The following TRIM44 variants were observed in gnomAD, a reference collection of about 807,000 sequenced individuals.
TRIM44 encodes tripartite motif-containing protein 44.
A neutral mutation model predicts 37.4 loss-of-function variants in TRIM44; 13 were observed. That is an observed-to-expected ratio of 0.35 (90% confidence interval 0.23 to 0.55). TRIM44 has a LOEUF of 0.55. Ranked by LOEUF, TRIM44 falls within the 20% of genes least tolerant of loss-of-function variation. The probability of loss-of-function intolerance (pLI) is 0.89; values close to 1 mark genes in which losing one functional copy is unlikely to be tolerated. For synonymous variants in TRIM44, 175 were observed against 157.2 expected (o/e 1.11, Z -0.85); for missense variants, 426 against 437.2 (o/e 0.97, Z 0.23).
chr11:35,758,370 C>T (rs1399740110), intron 4 of TRIM44, among the ~76,000 whole-genome samples: 7 of 152,104 alleles, frequency 4.6e-5, no homozygotes, highest in Non-Finnish European at 7.4e-5. Flanking sequence ...TCCTCCATCC[C>T]TTTATTTTGA....
intron 1 of TRIM44, among the ~76,000 whole-genome samples, chr11:35,680,415 A>G (rs892463332): frequency 6.6e-6 from 1 of 151,980 alleles, no homozygotes; most frequent in African/African-American, 2.4e-5. Context: ...TTTTTAAAAA[A>G]CTGTTACATG....
intron 2 of TRIM44, among the ~76,000 whole-genome samples, chr11:35,725,058 GCACACACTCA>G (rs1270215194): frequency 0.011 from 1,220 of 107,366 alleles, 22 homozygotes; most frequent in African/African-American, 0.056. Flanking sequence ...TAGGAGACAT[GCACACACTCA>G]CACACACACA....
chr11:35,797,166 T>C (rs932940356), intron 4 of TRIM44, among the ~76,000 whole-genome samples: 45 of 152,170 alleles, frequency 3.0e-4, no homozygotes, highest in African/African-American at 1.1e-3. Context: ...CCGTTATTGA[T>C]GGGGATATGT....
intron 4 of TRIM44, among the ~76,000 whole-genome samples, chr11:35,749,072 T>C (rs1852530162): frequency 6.6e-6 from 1 of 152,144 alleles, no homozygotes; most frequent in African/African-American, 2.4e-5. Context: ...GAAACAGATA[T>C]TTTACTTTGA....
intron 4 of TRIM44, among the ~76,000 whole-genome samples, chr11:35,735,678 C>T (rs1214742174): frequency 6.6e-6 from 1 of 152,092 alleles, no homozygotes. Flanking sequence ...TTTGTACATT[C>T]AGAATACCTT....
intron 4 of TRIM44, among the ~76,000 whole-genome samples, chr11:35,748,251 A>G (rs962345188): frequency 1.3e-5 from 2 of 152,202 alleles, no homozygotes; most frequent in Admixed American, 1.3e-4. Flanking sequence ...GGACCCATAA[A>G]GCATACTTGT....
intron 4 of TRIM44, among the ~76,000 whole-genome samples, chr11:35,738,843 T>C (rs997627140): frequency 7.2e-5 from 11 of 152,296 alleles, no homozygotes; most frequent in African/African-American, 2.6e-4. Flanking sequence ...CTTGGATCAT[T>C]ATGCCTGTGT....
intron 4 of TRIM44, among the ~76,000 whole-genome samples, chr11:35,773,292 G>GT (rs1380244505): frequency 6.6e-6 from 1 of 151,752 alleles, no homozygotes; most frequent in Non-Finnish European, 1.5e-5. Context: ...TTTTAAAGAA[G>GT]TATCTATTCA....
At chr11:35,741,175 A>C (rs1852392375) in intron 4 of TRIM44, among the ~76,000 whole-genome samples, 1 of 152,172 alleles carries the variant, frequency 6.6e-6, no homozygotes, top group Non-Finnish European at 1.5e-5. Flanking sequence ...CTTATTATGC[A>C]AAGTGGGGTG....
At chr11:35,783,483 A>G (rs1853091200) in intron 4 of TRIM44, among the ~76,000 whole-genome samples, 1 of 152,212 alleles carries the variant, frequency 6.6e-6, no homozygotes. Context: ...ATGTGCTGCC[A>G]TTATGAATAC....
intron 4 of TRIM44, among the ~76,000 whole-genome samples, chr11:35,795,675 A>G (rs1051626961): frequency 2.0e-5 from 3 of 152,116 alleles, no homozygotes; most frequent in African/African-American, 7.2e-5. Context: ...TACAGGTGAC[A>G]ACAGTGTTAA....
intron 4 of TRIM44, among the ~76,000 whole-genome samples, chr11:35,736,536 A>G (rs1408013516): frequency 6.6e-6 from 1 of 152,188 alleles, no homozygotes; most frequent in African/African-American, 2.4e-5. Context: ...ACTAGCAAAA[A>G]CAGTTTCCTC....
At chr11:35,779,214 C>T (rs546416165) in intron 4 of TRIM44, among the ~76,000 whole-genome samples, 8 of 152,312 alleles carry the variant, frequency 5.3e-5, no homozygotes, top group South Asian at 2.1e-4. Flanking sequence ...TAGCAGTGAG[C>T]GAGGCTCTGT....
At position 35,681,952 on chromosome 11, in the gene TRIM44, CTTTTTTTTTT is replaced by C. The variant is rs35760830; in HGVS notation, c.670-3292_670-3283del. Among the ~76,000 whole-genome samples the C allele has an allele frequency of 2.3e-3, 229 of 101,374 alleles. 1 individual carries two copies. Among genetic ancestry groups the C allele is most frequent in the African/African-American group, 8.1e-3 (210 of 25,930 alleles). 66.5% of individuals were successfully genotyped at this position (101,374 alleles called of 152,430 possible). A position where few individuals can be genotyped will look rare whatever the true frequency, so the allele number is the denominator to read the frequency against. On this transcript the variant is annotated intron_variant, in intron 1 of 4. Transcript: ENST00000299413. ...CCATGCCCCTGACCTATGTCCCATA[CTTTTTTTTTT>C]TTTTTTTTTTTTTTGAAATGCAGTC...
In TRIM44 at chr11:35,811,655, AT is replaced by A. The variant is rs1337495000; in HGVS notation, c.*5271del. 2 of 152,204 alleles carry A rather than the reference AT, an allele frequency of 1.3e-5. No homozygotes were observed. Among genetic ancestry groups the A allele is most frequent in the African/African-American group, 4.8e-5 (2 of 41,468 alleles). 9.4% of individuals were successfully genotyped at this position (152,204 alleles called of 1,614,324 possible). On this transcript the variant is annotated 3_prime_UTR_variant, in exon 5 of 5. Coordinates refer to ENST00000299413, the MANE Select transcript of TRIM44 (RefSeq NM_017583.6). ...CAAATGTGAAGACTCAAGATGGTAG[AT>A]ACTGTGTGAATTAGAAAATACCAAG...
At chr11:35,723,319 A>G (rs1409104561) in intron 2 of TRIM44, among the ~76,000 whole-genome samples, 2 of 152,226 alleles carry the variant, frequency 1.3e-5, no homozygotes, top group African/African-American at 2.4e-5. Context: ...ACAGTGGTCA[A>G]AATTTTCAAA....
chr11:35,787,420 TGAG>T (rs1853144313), intron 4 of TRIM44, among the ~76,000 whole-genome samples: 1 of 152,196 alleles, frequency 6.6e-6, no homozygotes, highest in Admixed American at 6.5e-5. Context: ...TGGAATGCCC[TGAG>T]GAGCAGCATG....
intron 4 of TRIM44, 68 bp downstream of exon 4, chr11:35,735,513 C>A: frequency 6.7e-7 from 1 of 1,498,732 alleles, no homozygotes; most frequent in Non-Finnish European, 9.3e-7. Flanking sequence ...CCTTTTAGTG[C>A]TCCATGAAAT....
At chr11:35,740,606 A>C (rs1249437117) in intron 4 of TRIM44, among the ~76,000 whole-genome samples, 1 of 152,204 alleles carries the variant, frequency 6.6e-6, no homozygotes, top group Non-Finnish European at 1.5e-5. Context: ...GCGATCAAAC[A>C]GGAAGCGTGT....
Sources: gnomAD v4.1 joint callset for allele counts (sites outside exome capture counted in the v4.1 genomes callset) on GRCh38, gnomAD v4.1.1 for gene constraint, MANE v1.5 for transcripts, NCBI Gene and HGNC (gene_info 2026-07-23, HGNC 2026-07-21) for gene names.